The following DCHS1 variants were observed in gnomAD, a reference collection of about 807,000 sequenced individuals.
The protein encoded by DCHS1 is dachsous cadherin-related 1.
In DCHS1, 78 loss-of-function variants were observed where a neutral mutation model predicts 213.9. The observed-to-expected ratio is 0.36, with a 90% CI of 0.30 to 0.44. The LOEUF is 0.44. Ranked by LOEUF, DCHS1 falls within the 20% of genes least tolerant of loss-of-function variation. DCHS1 has a pLI of 1.00. For missense variants in DCHS1, 3,946 were observed against 4,395.9 expected (o/e 0.90, Z 2.89); for synonymous variants, 1,828 against 1,873.7 (o/e 0.98, Z 0.63).
chr11:6,644,465 C>T (rs1415887260), intron 1 of DCHS1, among the ~76,000 whole-genome samples: 1 of 152,218 alleles, frequency 6.6e-6, no homozygotes, highest in Admixed American at 6.5e-5. Context: ...CTCTAAAAAT[C>T]CTCTCCACAA....
chr11:6,632,232 T>C lies in DCHS1; in HGVS notation c.3280A>G (p.Ser1094Gly). 4 of 1,613,596 alleles carry C rather than the reference T, an allele frequency of 2.5e-6. No homozygotes were observed. Among genetic ancestry groups the C allele is most frequent in the Non-Finnish European group, 3.4e-6 (4 of 1,179,648 alleles). Residue 1094 changes from serine (S) to glycine (G), a missense_variant, in exon 6 of 21, where the codon AGC (serine) becomes GGC (glycine). By Grantham distance (56) the Ser-to-Gly change is moderately conservative. Around this residue, in one of 3 missense-constraint regions of DCHS1, gnomAD observed 3,384 missense variants for 3,780.1 expected, o/e 0.90. Transcript: ENST00000299441. The surrounding 1 kb of genome is among the most constrained non-coding windows in gnomAD (Gnocchi z 5.9). ...QQTGTATVRV[S>G]ILNQNEHSPR... ...CTGTGTTCATTCTGGTTGAGGATGC[T>C]GACCCTCACGGTGGCTGTGCCTGTC...
chr11:6,625,320 A>G lies in DCHS1; in HGVS notation c.7024T>C (p.Cys2342Arg), dbSNP rs1193462707. ...AGCAGCTGCAGCTGGTAGCGGTCAC[A>G]CTGCTCAAAGTCCAGGGGCCCCGTG... ...SLTGPLDFEQCDRYQLQLLAH... is the reference protein window; with the variant it reads ...SLTGPLDFEQRDRYQLQLLAH... Residue 2342 changes from cysteine to arginine, a missense_variant, in exon 19 of 21, where the codon TGT becomes CGT. By Grantham distance (180) the Cys-to-Arg change is radical. Coordinates refer to ENST00000299441, the MANE Select transcript of DCHS1 (RefSeq NM_003737.4). The surrounding 1 kb of genome is among the most constrained non-coding windows in gnomAD (Gnocchi z 5.3). 1.2e-6 allele frequency: 2 copies of G among 1,613,826 alleles called. No individual in the cohort carries two copies. Among genetic ancestry groups the G allele is most frequent in the Admixed American group, 3.3e-5 (2 of 60,012 alleles).
Position 6,640,055 on chromosome 11 carries a change from C to A in DCHS1, c.1559G>T (p.Trp520Leu). The A allele has an allele frequency of 1.2e-6, 2 of 1,613,992 alleles. No individual in the cohort carries two copies. Among genetic ancestry groups the A allele is most frequent in the Non-Finnish European group, 1.7e-6 (2 of 1,179,878 alleles). The part of the protein sequence containing the change: ...YSLAPGAHTH[W>L]FSIDPTSGII... ...GCCTGAGGTGGGGTCAATGGAGAAC[C>A]AGTGGGTGTGGGCGCCAGGGGCTAG... The change falls in exon 2 of 21, where the codon TGG (tryptophan) becomes TTG (leucine). Residue 520 changes from tryptophan to leucine, a missense_variant. Transcript: ENST00000299441. This position sits in a 1 kb window ranked among gnomAD's most constrained non-coding sequence, Gnocchi z 6.5.
At position 6,632,236 on chromosome 11, in the gene DCHS1, C is replaced by T. The variant is rs770419287; in HGVS notation, c.3276G>A (p.Arg1092=). ...GTTCATTCTGGTTGAGGATGCTGAC[C>T]CTCACGGTGGCTGTGCCTGTCTGCT... ...LGQQTGTATV[R]VSILNQNEHS... The change falls in exon 6 of 21, where the codon AGG becomes AGA. Residue 1092 remains arginine (R), a synonymous_variant. Coordinates refer to ENST00000299441, the MANE Select transcript of DCHS1 (RefSeq NM_003737.4). This position sits in a 1 kb window ranked among gnomAD's most constrained non-coding sequence, Gnocchi z 5.9. The T allele has an allele frequency of 6.2e-7, 1 of 1,613,536 alleles. No individual in the cohort carries two copies. Among genetic ancestry groups the T allele is most frequent in the South Asian group, 1.1e-5 (1 of 91,030 alleles).
chr11:6,633,863 C>A lies in DCHS1; in HGVS notation c.2144G>T (p.Gly715Val). The A allele has an allele frequency of 1.9e-6, 3 of 1,613,996 alleles. No individual in the cohort carries two copies. In the South Asian group the frequency reaches 3.3e-5, roughly 18 times the overall value. The change falls in exon 4 of 21, where the codon GGA (glycine) becomes GTA (valine). Residue 715 changes from glycine to valine, a missense_variant. This residue lies in a region of DCHS1 where 3,384 missense variants were observed against 3,780.1 expected (regional missense o/e 0.90). Coordinates refer to ENST00000299441, the MANE Select transcript of DCHS1 (RefSeq NM_003737.4). ...ATGGTAGGAGAGTCGCCCATGGGAT[C>A]CCTGGTCAGGGTCATGGGCACGCAA... The part of the protein sequence containing the change: ...LRLRAHDPDQ[G>V]SHGRLSYHIL...
Position 6,625,785 on chromosome 11 carries a change from G to C in DCHS1, c.6732-58C>G. The C allele has an allele frequency of 6.3e-7, 1 of 1,586,086 alleles. No homozygotes were observed. The highest frequency in any genetic ancestry group is 8.6e-7 in the Non-Finnish European group (1 of 1,165,556). ...TGGCAATAAGGGGGAACTCTGGGCAGGGCCAGGAGGACTCAGGACAGAGCT... is the reference window on the plus strand; with the variant it reads ...TGGCAATAAGGGGGAACTCTGGGCACGGCCAGGAGGACTCAGGACAGAGCT... On this transcript the variant is annotated intron_variant, in intron 17 of 20. Coordinates refer to ENST00000299441, the MANE Select transcript of DCHS1 (RefSeq NM_003737.4). The surrounding 1 kb of genome is among the most constrained non-coding windows in gnomAD (Gnocchi z 5.3).
In DCHS1 at chr11:6,623,993, G is replaced by T; in HGVS notation, c.7683C>A (p.Asp2561Glu). The change falls in exon 21 of 21, where the codon GAC (aspartate) becomes GAA (glutamate). Residue 2561 changes from aspartate (D) to glutamate (E), a missense_variant. Physicochemically the swap from Asp to Glu is conservative, Grantham distance 45 (BLOSUM62 2). This residue lies in a region of DCHS1 where 3,384 missense variants were observed against 3,780.1 expected (regional missense o/e 0.90). Transcript: ENST00000299441. ...LGCLVLLEPL[D>E]FESLTQYNLT... ...GATTGTACTGTGTCAGGCTTTCAAA[G>T]TCTAGAGGTTCAAGCAACACCAGGC... The T allele has an allele frequency of 6.2e-7, 1 of 1,612,502 alleles. No homozygotes were observed. The highest frequency in any genetic ancestry group is 8.5e-7 in the Non-Finnish European group (1 of 1,178,876).
In DCHS1 at chr11:6,631,788, G is replaced by A. The variant is rs529000213; in HGVS notation, c.3503C>T (p.Thr1168Ile). 3 of 1,545,488 alleles carry A rather than the reference G, an allele frequency of 1.9e-6. No homozygotes were observed. Among genetic ancestry groups the A allele is most frequent in the Non-Finnish European group, 1.7e-6 (2 of 1,147,108 alleles). ...PQTGEVTTLQ[T>I]LDREQQSSYQ... ...GCTGCTCTGCTGCTCACGGTCCAGGGTTTGGAGTGTGGTCACTTCTCCTGG... is the reference window on the plus strand; with the variant it reads ...GCTGCTCTGCTGCTCACGGTCCAGGATTTGGAGTGTGGTCACTTCTCCTGG... The change falls in exon 7 of 21, where the codon ACC (threonine) becomes ATC (isoleucine). Residue 1168 changes from threonine (T) to isoleucine (I), a missense_variant. Transcript: ENST00000299441.
intron 9 of DCHS1, 93 bp from the exon 10 acceptor site, chr11:6,630,956 G>A (rs896602801): frequency 6.6e-7 from 1 of 1,516,092 alleles, no homozygotes; most frequent in African/African-American, 1.4e-5. Flanking sequence ...AGTGGTCAGA[G>A]TAGCCTGACT....
In DCHS1 at chr11:6,621,749, T is replaced by A. The variant is rs771745887; in HGVS notation, c.*30A>T. 60 of 1,551,614 alleles carry A rather than the reference T, an allele frequency of 3.9e-5. No individual in the cohort carries two copies. The Middle Eastern group carries it at 1.7e-3, about 43-fold the overall frequency. On this transcript the variant is annotated 3_prime_UTR_variant, in exon 21 of 21. Coordinates refer to ENST00000299441, the MANE Select transcript of DCHS1 (RefSeq NM_003737.4). ...GCCTGCGTTGGGGACACTGTGCGCA[T>A]CCCAGGTCGGGGCCCAGCCTGGGCC...
chr11:6,641,220 G>T lies in DCHS1; in HGVS notation c.394C>A (p.Arg132=), dbSNP rs780211200. The T allele has an allele frequency of 2.7e-5, 43 of 1,613,710 alleles. 1 individual carries two copies. The South Asian group carries it at 4.6e-4, about 17-fold the overall frequency. The stretch of plus-strand genomic sequence containing the variant: ...GCATGGTCGTTGATGTCAGCCACTC[G>T]CACTGTAACTTCTACGGTGGCACCA... ...PDGATVEVTV[R]VADINDHAPA... Residue 132 remains arginine (R), a synonymous_variant, in exon 2 of 21, where the codon CGA becomes AGA. Transcript: ENST00000299441. The surrounding 1 kb of genome is among the most constrained non-coding windows in gnomAD (Gnocchi z 7.1).
At chr11:6,647,450 C>T (rs570876943) in intron 1 of DCHS1, among the ~76,000 whole-genome samples, 3 of 152,276 alleles carry the variant, frequency 2.0e-5, no homozygotes, top group African/African-American at 7.2e-5. Context: ...CAGAGCAGTG[C>T]CCGGGCCTGG....
Position 6,639,730 on chromosome 11 carries a change from C to T in DCHS1, c.1797+87G>A. On this transcript the variant is annotated intron_variant, in intron 2 of 20. Transcript: ENST00000299441. ...AGCATAAGTCACCATCAACAGATGA[C>T]CTTGTAAGGCTTGGTTCCTGCTCTG... The T allele has an allele frequency of 3.4e-6, 4 of 1,165,368 alleles. No homozygotes were observed. In the South Asian group the frequency reaches 6.1e-5, roughly 18 times the overall value. The allele number at this position is 1,165,368 out of a possible 1,614,324, so 72.2% of individuals were successfully genotyped here.
chr11:6,630,151 G>A lies in DCHS1; in HGVS notation c.4643C>T (p.Ser1548Leu). The part of the protein sequence containing the change: ...DENDNAPVFA[S>L]PSRVRLPEDQ... ...CTCTGGGAGGCGCACGCGTGACGGC[G>A]AGGCGAAGACAGGCGCGTTGTCATT... Residue 1548 changes from serine to leucine, a missense_variant, in exon 10 of 21, where the codon TCG (serine) becomes TTG (leucine). Around this residue, in one of 3 missense-constraint regions of DCHS1, gnomAD observed 3,384 missense variants for 3,780.1 expected, o/e 0.90. Coordinates refer to ENST00000299441, the MANE Select transcript of DCHS1 (RefSeq NM_003737.4). 6.2e-7 allele frequency: 1 copy of A among 1,603,556 alleles called. No individual in the cohort carries two copies. Among genetic ancestry groups the A allele is most frequent in the Non-Finnish European group, 8.5e-7 (1 of 1,174,606 alleles).
intron 2 of DCHS1, among the ~76,000 whole-genome samples, chr11:6,638,235 T>C (rs567787794): frequency 6.6e-6 from 1 of 152,308 alleles, no homozygotes; most frequent in Non-Finnish European, 1.5e-5. Context: ...CTGGTGGAGT[T>C]TGGAGACATA....
Position 6,629,802 on chromosome 11 carries a change from C to A in DCHS1, c.4905G>T (p.Leu1635=). ...GSPPRSATQV[L]TVSVADVNDE... Reference sequence around the variant, plus strand: ...CGTTGACGTCAGCGACACTGACGGTCAGGACCTGCGTGGCCGAGCGCGGCG... The same window carrying A: ...CGTTGACGTCAGCGACACTGACGGTAAGGACCTGCGTGGCCGAGCGCGGCG... The change falls in exon 11 of 21, where the codon CTG becomes CTT. Residue 1635 remains leucine (L), a synonymous_variant. Transcript: ENST00000299441. 1 of 1,613,486 alleles carries A rather than the reference C, an allele frequency of 6.2e-7. No individual in the cohort carries two copies. The highest frequency in any genetic ancestry group is 8.5e-7 in the Non-Finnish European group (1 of 1,179,908).
Position 6,629,901 on chromosome 11 carries a change from G to A in DCHS1, c.4806C>T (p.Ser1602=), listed in dbSNP as rs1247850543. The change falls in exon 11 of 21, where the codon TCC becomes TCT. Residue 1602 remains serine, a synonymous_variant. Coordinates refer to ENST00000299441, the MANE Select transcript of DCHS1 (RefSeq NM_003737.4). ...FRLHSSTGAL[S]VVRPLDREQR... ...GTTCGCGGTCCAACGGCCGCACCAC[G>A]GACAGCGCTCCTAGGTGAGCGGTAA... is the stretch of plus-strand genomic sequence containing the variant. 3 of 1,612,336 alleles carry A rather than the reference G, an allele frequency of 1.9e-6. No homozygotes were observed. In the South Asian group the frequency reaches 3.3e-5, roughly 18 times the overall value.
chr11:6,635,529 G>A (rs898342020), intron 2 of DCHS1, among the ~76,000 whole-genome samples: 2 of 152,184 alleles, frequency 1.3e-5, no homozygotes, highest in Non-Finnish European at 2.9e-5. Flanking sequence ...TGCTTAGAGA[G>A]AAAGCTGGCC....
At chr11:6,646,409 C>T (rs935201596) in intron 1 of DCHS1, among the ~76,000 whole-genome samples, 6 of 152,290 alleles carry the variant, frequency 3.9e-5, no homozygotes, top group Middle Eastern at 3.4e-3. Context: ...CTCATGCTCG[C>T]TCCAGCTCTC....
Sources: gnomAD v4.1 joint callset for allele counts (sites outside exome capture counted in the v4.1 genomes callset) on GRCh38, gnomAD v4.1.1 for gene constraint, gnomAD v4.1.1 regional missense constraint, Gnocchi (gnomAD v3.1) non-coding constraint, MANE v1.5 for transcripts, NCBI Gene and HGNC (gene_info 2026-07-23, HGNC 2026-07-21) for gene names.